PIP: variants seen among roughly 807,000 people sequenced by gnomAD.
The protein encoded by PIP is prolactin induced protein, also known as prolactin-inducible protein.
PIP carries 9 observed loss-of-function variants against 12.8 expected under a neutral mutation model. The observed-to-expected ratio is 0.70, with a 90% CI of 0.42 to 1.23. The LOEUF is 1.23. Among genes scored for constraint, PIP ranks in the 50% most tolerant of loss-of-function variants. The pLI, the probability that PIP is intolerant of heterozygous loss-of-function variation, is 0.00. For missense variants in PIP, 172 were observed against 179.5 expected (o/e 0.96, Z 0.24); for synonymous variants, 60 against 66.1 (o/e 0.91, Z 0.45).
At chr7:143,136,432 C>T (rs1005902668) in intron 2 of PIP, among the ~76,000 whole-genome samples, 9 of 152,038 alleles carry the variant, frequency 5.9e-5, no homozygotes, top group African/African-American at 2.2e-4. Context: ...GAAATATCCC[C>T]ACACCTGTAA....
At chr7:143,134,351 A>G (rs957266700) in intron 1 of PIP, among the ~76,000 whole-genome samples, 7 of 150,352 alleles carry the variant, frequency 4.7e-5, no homozygotes, top group Admixed American at 2.7e-4. Flanking sequence ...TTGAATAATG[A>G]CTTCTTTTCC....
In PIP at chr7:143,135,931, C is replaced by G. The variant is rs559868253; in HGVS notation, c.201+632C>G. ...AATGGTAATGTGTCTAAAACTCACT[C>G]GGGGATCTTGTTAAAATTCAGAGTT... On this transcript the variant is annotated intron_variant, in intron 2 of 3. Transcript: ENST00000291009. 2.0e-5 allele frequency among the ~76,000 whole-genome samples: 3 copies of G among 152,094 alleles called. No individual in the cohort carries two copies. The South Asian group carries it at 6.2e-4, about 32-fold the overall frequency.
chr7:143,132,095 A>T lies in PIP; in HGVS notation c.-22A>T, dbSNP rs753431469. On this transcript the variant is annotated 5_prime_UTR_variant, in exon 1 of 4. Coordinates refer to ENST00000291009, the MANE Select transcript of PIP (RefSeq NM_002652.3). The stretch of plus-strand genomic sequence containing the variant: ...CTGGGACACCACTTCTCTGGGACAC[A>T]TTGCCTTCTGTTTTCTCCAGCATGC... The T allele has an allele frequency of 6.2e-7, 1 of 1,612,562 alleles. No individual in the cohort carries two copies. The highest frequency in any genetic ancestry group is 1.7e-5 in the Admixed American group (1 of 59,906).
chr7:143,139,657 G>T lies in PIP; in HGVS notation c.*15G>T. ...AGGTAGAATAATGGAAGCCCTGTCT[G>T]TTTGCCACACCCAGGTGATTTCCTC... is the stretch of plus-strand genomic sequence containing the variant. On this transcript the variant is annotated 3_prime_UTR_variant, in exon 4 of 4. Coordinates refer to ENST00000291009, the MANE Select transcript of PIP (RefSeq NM_002652.3). The T allele has an allele frequency of 6.2e-7, 1 of 1,601,906 alleles. No individual in the cohort carries two copies. Among genetic ancestry groups the T allele is most frequent in the Non-Finnish European group, 8.5e-7 (1 of 1,170,170 alleles).
At chr7:143,136,853 GACTA>G (rs1443585941) in intron 2 of PIP, among the ~76,000 whole-genome samples, 7 of 151,960 alleles carry the variant, frequency 4.6e-5, no homozygotes, top group South Asian at 2.1e-4. Context: ...GAAATCTTTA[GACTA>G]ACTGACTTTG....
At position 143,139,177 on chromosome 7, in the gene PIP, T is replaced by A; in HGVS notation, c.304T>A (p.Phe102Ile). Residue 102 changes from phenylalanine to isoleucine, a missense_variant, in exon 3 of 4, where the codon TTT (phenylalanine) becomes ATT (isoleucine). By Grantham distance (21) the Phe-to-Ile change is conservative (BLOSUM62 0). Transcript: ENST00000291009. The part of the protein sequence containing the change: ...DDNPKTFYWD[F>I]YTNRTVQIAA... ...CAATCCAAAAACCTTCTACTGGGAC[T>A]TTTACACCAACAGTAAGTACAGAAG... The A allele has an allele frequency of 6.4e-7, 1 of 1,563,332 alleles. No homozygotes were observed. The highest frequency in any genetic ancestry group is 8.8e-7 in the Non-Finnish European group (1 of 1,133,302).
Position 143,139,596 on chromosome 7 carries a change from T to A in PIP, c.395T>A (p.Ile132Asn), listed in dbSNP as rs1378901654. ...CCTGATGATGCTGCTGTAATCCCCA[T>A]CAAAAACAACCGGTTTTATACTATT... ...ICPDDAAVIPIKNNRFYTIEI... is the reference protein window; with the variant it reads ...ICPDDAAVIPNKNNRFYTIEI... Residue 132 changes from isoleucine to asparagine, a missense_variant, in exon 4 of 4, where the codon ATC (isoleucine) becomes AAC (asparagine). Physicochemically the swap from Ile to Asn is moderately radical, Grantham distance 149. Transcript: ENST00000291009. The A allele has an allele frequency of 6.2e-7, 1 of 1,612,512 alleles. No individual in the cohort carries two copies. The highest frequency in any genetic ancestry group is 8.5e-7 in the Non-Finnish European group (1 of 1,178,596).
chr7:143,137,474 G>A (rs763039974), intron 2 of PIP, among the ~76,000 whole-genome samples: 1 of 152,126 alleles, frequency 6.6e-6, no homozygotes, highest in Non-Finnish European at 1.5e-5. Context: ...GCTTGAAGAA[G>A]TACATTAAAC....
chr7:143,138,402 T>C (rs993731450), intron 2 of PIP, among the ~76,000 whole-genome samples: 1 of 152,122 alleles, frequency 6.6e-6, no homozygotes, highest in African/African-American at 2.4e-5. Context: ...AACTGCTGTG[T>C]TAAACGTTAA....
intron 2 of PIP, among the ~76,000 whole-genome samples, chr7:143,136,227 C>T (rs549410573): frequency 2.0e-5 from 3 of 152,120 alleles, no homozygotes; most frequent in Admixed American, 6.5e-5. Context: ...TACCTTTGTT[C>T]TAGGGCCAAG....
chr7:143,139,219 C>T, intron 3 of PIP, 30 bp downstream of exon 3: 3 of 1,234,638 alleles, frequency 2.4e-6, no homozygotes, highest in South Asian at 2.4e-5. Context: ...AAGGAGGGAA[C>T]TACCCACCAG....
intron 1 of PIP, 134 bp downstream of exon 1, chr7:143,132,345 C>T (rs937906447): frequency 1.0e-6 from 1 of 993,382 alleles, no homozygotes. Context: ...TCCCATGGAT[C>T]TCCTGCCAGG....
chr7:143,139,449 G>A (rs912080019), intron 3 of PIP, 69 bp from the exon 4 acceptor site: 1 of 1,577,890 alleles, frequency 6.3e-7, no homozygotes, highest in African/African-American at 1.3e-5. Flanking sequence ...GCAGATGCCT[G>A]ATATGAGTAG....
At chr7:143,135,908 T>C (rs1799304911) in intron 2 of PIP, among the ~76,000 whole-genome samples, 1 of 152,038 alleles carries the variant, frequency 6.6e-6, no homozygotes, top group Non-Finnish European at 1.5e-5. Context: ...GGTTTTCAAA[T>C]GGTAATGTGT....
At chr7:143,133,377 C>G (rs775985733) in intron 1 of PIP, among the ~76,000 whole-genome samples, 3 of 152,012 alleles carry the variant, frequency 2.0e-5, no homozygotes, top group Non-Finnish European at 4.4e-5. Context: ...TTCCTGTGCA[C>G]TGGGCACTAC....
intron 1 of PIP, 146 bp downstream of exon 1, chr7:143,132,357 TC>T: frequency 1.1e-6 from 1 of 908,398 alleles, no homozygotes; most frequent in Non-Finnish European, 1.7e-6. Flanking sequence ...CCTGCCAGGT[TC>T]CACTTCTTGT....
At chr7:143,134,142 G>C (rs1178360173) in intron 1 of PIP, among the ~76,000 whole-genome samples, 1 of 133,760 alleles carries the variant, frequency 7.5e-6, no homozygotes, top group Non-Finnish European at 1.6e-5. Context: ...TGCAAATGCT[G>C]TTAATTCATT....
rs767687438 is a variant in PIP, at chr7:143,139,540, C to A, written c.339C>A (p.Val113=). 6.2e-7 allele frequency: 1 copy of A among 1,613,170 alleles called. No individual in the cohort carries two copies. Residue 113 remains valine (V), a synonymous_variant, in exon 4 of 4, where the codon GTC becomes GTA. Coordinates refer to ENST00000291009, the MANE Select transcript of PIP (RefSeq NM_002652.3). ...YTNRTVQIAA[V]VDVIRELGIC... is the part of the protein sequence containing the mutation. The stretch of plus-strand genomic sequence containing the variant: ...CAGGAACTGTGCAAATTGCAGCCGT[C>A]GTTGATGTTATTCGGGAATTAGGCA...
In PIP at chr7:143,133,513, C is replaced by T. The variant is rs766150355; in HGVS notation, c.95+1302C>T. Among the ~76,000 whole-genome samples, 8 of 152,152 alleles carry T rather than the reference C, an allele frequency of 5.3e-5. No individual in the cohort carries two copies. In the East Asian group the frequency reaches 9.6e-4, roughly 18 times the overall value. On this transcript the variant is annotated intron_variant, in intron 1 of 3. Transcript: ENST00000291009. ...CCACACAATAACAAAGGTCCGTAGCCGGGAGTTTCTAGGGACGAGAAAATA... is the reference window on the plus strand; with the variant it reads ...CCACACAATAACAAAGGTCCGTAGCTGGGAGTTTCTAGGGACGAGAAAATA...
Sources: allele counts gnomAD v4.1 joint callset (sites outside exome capture counted in the v4.1 genomes callset), GRCh38; gene constraint gnomAD v4.1.1; transcripts MANE v1.5; gene names NCBI Gene and HGNC (gene_info 2026-07-23, HGNC 2026-07-21).